KIRREL3: variants seen among roughly 807,000 people sequenced by gnomAD.
The protein encoded by KIRREL3 is kin of IRRE-like protein 3.
In KIRREL3, 36 loss-of-function variants were observed where a neutral mutation model predicts 89.7. The ratio of observed to expected loss-of-function variants is 0.40; its 90% CI spans 0.31 to 0.53. KIRREL3 has a LOEUF of 0.53. Among genes scored for constraint, KIRREL3 ranks in the 20% least tolerant of loss-of-function variants. The pLI is 0.49. For missense variants in KIRREL3, 864 were observed against 1,056.6 expected (o/e 0.82, Z 2.53); for synonymous variants, 445 against 441.4 (o/e 1.01, Z -0.10).
chr11:126,431,315 G>T lies in KIRREL3; in HGVS notation c.1696+104C>A. ...GCCCCAGGAGCTCACAGCACTGTTA[G>T]GACCCCTGTTCATTGCACTCCTGCT... On this transcript the variant is annotated intron_variant, in intron 14 of 16. Coordinates refer to ENST00000525144, the MANE Select transcript of KIRREL3 (RefSeq NM_032531.4). The surrounding 1 kb of genome is among the most constrained non-coding windows in gnomAD (Gnocchi z 7.1). 6.4e-7 allele frequency: 1 copy of T among 1,555,940 alleles called. No individual in the cohort carries two copies.
rs550337258 is a variant in KIRREL3, at chr11:126,872,790, C to T, written c.55+127665G>A. Among the ~76,000 whole-genome samples, 6 of 152,336 alleles carry T rather than the reference C, an allele frequency of 3.9e-5. No individual in the cohort carries two copies. Among genetic ancestry groups the T allele is most frequent in the African/African-American group, 1.4e-4 (6 of 41,594 alleles). On this transcript the variant is annotated intron_variant, in intron 1 of 16. Transcript: ENST00000525144. This position sits in a 1 kb window ranked among gnomAD's most constrained non-coding sequence, Gnocchi z 4.2. ...AGTAAATTAGATACTGATCAGCTCT[C>T]CATTTCCATAGTGTGTTGAATAATA...
intron 1 of KIRREL3, among the ~76,000 whole-genome samples, chr11:126,942,294 G>T (rs973444938): frequency 2.0e-5 from 3 of 152,090 alleles, no homozygotes; most frequent in Admixed American, 6.5e-5. Flanking sequence ...CTAGCATCAC[G>T]CCTGGCACAC....
intron 1 of KIRREL3, among the ~76,000 whole-genome samples, chr11:126,873,410 C>T (rs572939703): frequency 1.9e-4 from 29 of 152,134 alleles, no homozygotes; most frequent in Non-Finnish European, 3.8e-4. Flanking sequence ...ATAGATCAAG[C>T]AAACAGATTG....
At chr11:126,502,887 G>A (rs558930522) in intron 4 of KIRREL3, among the ~76,000 whole-genome samples, 136 of 152,196 alleles carry the variant, frequency 8.9e-4, no homozygotes, top group African/African-American at 3.2e-3. Context: ...TCTCTCTTGC[G>A]ATGGAATCCA....
rs138344023 is a variant in KIRREL3 at position 126,755,449 on chromosome 11, A to G, written c.56-192537T>C. Among the ~76,000 whole-genome samples, 1 of 152,338 alleles carries G rather than the reference A, an allele frequency of 6.6e-6. No homozygotes were observed. Among genetic ancestry groups the G allele is most frequent in the African/African-American group, 2.4e-5 (1 of 41,580 alleles). ...TTTCAGCAGTCATGGGTGGAAAATC[A>G]ATACTACTCTGATGCGAAATGAGAA... On this transcript the variant is annotated intron_variant, in intron 1 of 16. Transcript: ENST00000525144. The surrounding 1 kb of genome is among the most constrained non-coding windows in gnomAD (Gnocchi z 4.3).
At chr11:126,753,401 A>G (rs1949399069) in intron 1 of KIRREL3, among the ~76,000 whole-genome samples, 1 of 152,250 alleles carries the variant, frequency 6.6e-6, no homozygotes, top group Non-Finnish European at 1.5e-5. Flanking sequence ...ACTGGGATGT[A>G]GACGGCCCCC....
At chr11:126,533,139 T>G (rs1037719986) in intron 2 of KIRREL3, among the ~76,000 whole-genome samples, 1 of 152,140 alleles carries the variant, frequency 6.6e-6, no homozygotes, top group Non-Finnish European at 1.5e-5. Flanking sequence ...ATGTCAAGCA[T>G]ATAATAAAAG....
intron 1 of KIRREL3, among the ~76,000 whole-genome samples, chr11:126,801,241 G>A (rs1393127387): frequency 6.6e-6 from 1 of 152,044 alleles, no homozygotes; most frequent in African/African-American, 2.4e-5. Context: ...CTATCCTAAG[G>A]ATTACAGTTA....
Position 126,537,060 on chromosome 11 carries a change from C to A in KIRREL3, c.134-10373G>T, listed in dbSNP as rs972626925. ...TTTCTCCACTGGTTATTTGGCCTGGCCTTTGTTCCAGCAGCAGATTGAGGG... is the reference window on the plus strand; with the variant it reads ...TTTCTCCACTGGTTATTTGGCCTGGACTTTGTTCCAGCAGCAGATTGAGGG... On this transcript the variant is annotated intron_variant, in intron 2 of 16. Coordinates refer to ENST00000525144, the MANE Select transcript of KIRREL3 (RefSeq NM_032531.4). The surrounding 1 kb of genome is among the most constrained non-coding windows in gnomAD (Gnocchi z 4.3). Among the ~76,000 whole-genome samples the A allele has an allele frequency of 6.6e-6, 1 of 152,148 alleles. No homozygotes were observed. Among genetic ancestry groups the A allele is most frequent in the African/African-American group, 2.4e-5 (1 of 41,422 alleles).
chr11:126,582,479 G>A (rs552292401), intron 1 of KIRREL3, among the ~76,000 whole-genome samples: 1 of 152,302 alleles, frequency 6.6e-6, no homozygotes, highest in South Asian at 2.1e-4. Context: ...CTGCTATAGC[G>A]GAAGAAAATG....
In KIRREL3 at chr11:126,978,187, T is replaced by C. The variant is rs1193046805; in HGVS notation, c.55+22268A>G. 1.3e-5 allele frequency among the ~76,000 whole-genome samples: 2 copies of C among 152,248 alleles called. No homozygotes were observed. Among genetic ancestry groups the C allele is most frequent in the East Asian group, 1.9e-4 (1 of 5,202 alleles). On this transcript the variant is annotated intron_variant, in intron 1 of 16. Transcript: ENST00000525144. The surrounding 1 kb of genome is among the most constrained non-coding windows in gnomAD (Gnocchi z 4.2). ...TGCAGGGCATGCAGGTAATCAATTA[T>C]GCGATTCTTTCAGGGTTGCTTCTGC...
In KIRREL3 at chr11:126,685,589, CTGCCAGGGCAGGCT is replaced by C. The variant is rs1946634940; in HGVS notation, c.56-122691_56-122678del. On this transcript the variant is annotated intron_variant, in intron 1 of 16. Coordinates refer to ENST00000525144, the MANE Select transcript of KIRREL3 (RefSeq NM_032531.4). The surrounding 1 kb of genome is among the most constrained non-coding windows in gnomAD (Gnocchi z 5.5). ...GACATGTTTTCCTCCTCTCTTTCCC[CTGCCAGGGCAGGCT>C]TGGCACTTCCCAGGATTACAGTCAT... is the stretch of plus-strand genomic sequence containing the variant. 6.6e-6 allele frequency among the ~76,000 whole-genome samples: 1 copy of C among 152,246 alleles called. No homozygotes were observed. The highest frequency in any genetic ancestry group is 1.5e-5 in the Non-Finnish European group (1 of 68,046).
intron 12 of KIRREL3, among the ~76,000 whole-genome samples, chr11:126,436,390 C>A (rs1955335879): frequency 6.6e-6 from 1 of 152,248 alleles, no homozygotes. Context: ...TCCCAGCACA[C>A]CCATGCCAGT....
chr11:126,770,328 G>A (rs916076381), intron 1 of KIRREL3, among the ~76,000 whole-genome samples: 1 of 152,088 alleles, frequency 6.6e-6, no homozygotes, highest in Non-Finnish European at 1.5e-5. Context: ...AAAGTCTTCT[G>A]GTTGGTCCCC....
In KIRREL3 at chr11:126,892,087, C is replaced by T. The variant is rs1565390117; in HGVS notation, c.55+108368G>A. Among the ~76,000 whole-genome samples, 1 of 152,130 alleles carries T rather than the reference C, an allele frequency of 6.6e-6. No individual in the cohort carries two copies. Among genetic ancestry groups the T allele is most frequent in the Non-Finnish European group, 1.5e-5 (1 of 68,024 alleles). On this transcript the variant is annotated intron_variant, in intron 1 of 16. Coordinates refer to ENST00000525144, the MANE Select transcript of KIRREL3 (RefSeq NM_032531.4). The surrounding 1 kb of genome is among the most constrained non-coding windows in gnomAD (Gnocchi z 5.4). ...CTGGCTCTATCAGTGTCTCTGTGCACCAGAGAGAGGCCACTTAGCCTCCCT... is the reference window on the plus strand; with the variant it reads ...CTGGCTCTATCAGTGTCTCTGTGCATCAGAGAGAGGCCACTTAGCCTCCCT...
At chr11:126,767,483 A>C (rs1006065494) in intron 1 of KIRREL3, among the ~76,000 whole-genome samples, 1 of 152,208 alleles carries the variant, frequency 6.6e-6, no homozygotes, top group Non-Finnish European at 1.5e-5. Flanking sequence ...GAACAGCGGA[A>C]AGAGCCCTGA....
intron 6 of KIRREL3, 149 bp from the exon 7 acceptor site, chr11:126,456,603 C>T (rs961070081): frequency 4.8e-5 from 29 of 606,816 alleles, no homozygotes; most frequent in Non-Finnish European, 8.5e-5. Context: ...GCTGGGGGCT[C>T]CATGGGAGGT....
chr11:126,499,083 C>T (rs35201620), intron 4 of KIRREL3, among the ~76,000 whole-genome samples: 8,296 of 142,390 alleles, frequency 0.058, 271 homozygotes, highest in South Asian at 0.16. Flanking sequence ...ACCTGGGAGA[C>T]GGAAGTTGCA....
chr11:126,935,404 G>A (rs930446902), intron 1 of KIRREL3: 1 of 152,016 alleles, frequency 6.6e-6, no homozygotes, highest in African/African-American at 2.4e-5. Context: ...AAAAATGTAG[G>A]TCCACACAAA....
Sources: gnomAD v4.1 joint callset for allele counts (sites outside exome capture counted in the v4.1 genomes callset) on GRCh38, gnomAD v4.1.1 for gene constraint, Gnocchi (gnomAD v3.1) non-coding constraint, MANE v1.5 for transcripts, NCBI Gene and HGNC (gene_info 2026-07-23, HGNC 2026-07-21) for gene names.